The following KANSL1L variants were observed in gnomAD, a reference collection of about 807,000 sequenced individuals.
KANSL1L encodes KAT8 regulatory NSL complex subunit 1 like, also known as KAT8 regulatory NSL complex subunit 1-like protein.
Under a neutral mutation model 108.6 loss-of-function variants are expected in KANSL1L, and 25 were observed. The observed-to-expected ratio is 0.23, with a 90% CI of 0.17 to 0.32. The LOEUF (loss-of-function observed/expected upper bound fraction) is 0.32, where lower values mean the gene tolerates loss of function less well. Ranked by LOEUF, KANSL1L falls within the 10% of genes least tolerant of loss-of-function variation. The pLI is 1.00. For synonymous variants in KANSL1L, 405 were observed against 395.1 expected (o/e 1.03, Z -0.30); for missense variants, 1,137 against 1,125.7 (o/e 1.01, Z -0.14).
In KANSL1L at chr2:210,153,923, T is replaced by C. The variant is rs980008482; in HGVS notation, c.660A>G (p.Val220=). ...SSSAAEKEEE[V]HARLLHCVSK... is the part of the protein sequence containing the mutation. ...TTACACAATGAAGTAAACGAGCATG[T>C]ACTTCCTCCTCTTTTTCAGCAGCTG... Residue 220 remains valine, a synonymous_variant, in exon 2 of 15, where the codon GTA becomes GTG. Coordinates refer to ENST00000281772, the MANE Select transcript of KANSL1L (RefSeq NM_152519.4). 3 of 1,613,452 alleles carry C rather than the reference T, an allele frequency of 1.9e-6. No homozygotes were observed. The highest frequency in any genetic ancestry group is 2.7e-5 in the African/African-American group (2 of 74,924).
At chr2:210,031,224 A>G (rs2094011457) in intron 9 of KANSL1L, 197 bp downstream of exon 9, 5 of 469,734 alleles carry the variant, frequency 1.1e-5, no homozygotes, top group South Asian at 2.7e-5. Context: ...CTTAATTGCC[A>G]TAAAGTGGGT....
chr2:210,165,025 C>T (rs1687851055), intron 1 of KANSL1L, among the ~76,000 whole-genome samples: 1 of 151,322 alleles, frequency 6.6e-6, no homozygotes, highest in African/African-American at 2.4e-5. Context: ...GCCACCATGC[C>T]CAGCTAATTT....
chr2:210,137,484 G>A (rs1008836885), intron 2 of KANSL1L, among the ~76,000 whole-genome samples: 24 of 152,012 alleles, frequency 1.6e-4, no homozygotes, highest in Admixed American at 4.6e-4. Flanking sequence ...TGCCAAATAC[G>A]TCACAAATTT....
rs574284184 is a variant in KANSL1L at position 210,167,609 on chromosome 2, C to T, written c.-30+3540G>A. On this transcript the variant is annotated intron_variant, in intron 1 of 14. Coordinates refer to ENST00000281772, the MANE Select transcript of KANSL1L (RefSeq NM_152519.4). ...TGAATAAACACTGATTAATGACCTA[C>T]TGCTGAATAAAAATTTGTTTAAATA... Among the ~76,000 whole-genome samples the T allele has an allele frequency of 2.6e-5, 4 of 152,078 alleles. No individual in the cohort carries two copies. In the South Asian group the frequency reaches 8.3e-4, roughly 31 times the overall value.
At chr2:210,133,187 G>A (rs2095142451) in intron 2 of KANSL1L, among the ~76,000 whole-genome samples, 1 of 151,988 alleles carries the variant, frequency 6.6e-6, no homozygotes, top group Non-Finnish European at 1.5e-5. Context: ...TATATAAAAT[G>A]ATGTACATGT....
chr2:210,050,781 T>C (rs2094283504), intron 6 of KANSL1L, among the ~76,000 whole-genome samples: 1 of 152,002 alleles, frequency 6.6e-6, no homozygotes, highest in Non-Finnish European at 1.5e-5. Context: ...GCAGGATCAC[T>C]TGAGCCCAGG....
intron 1 of KANSL1L, among the ~76,000 whole-genome samples, chr2:210,170,033 A>C (rs1331331311): frequency 6.6e-6 from 1 of 152,204 alleles, no homozygotes; most frequent in Non-Finnish European, 1.5e-5. Flanking sequence ...ACCCAAAGAA[A>C]TGGCTAGTTA....
intron 1 of KANSL1L, among the ~76,000 whole-genome samples, chr2:210,163,988 T>C (rs958211573): frequency 6.6e-6 from 1 of 151,848 alleles, no homozygotes; most frequent in Non-Finnish European, 1.5e-5. Flanking sequence ...TGTGAAGGAG[T>C]CTCAAGGCAA....
In KANSL1L at chr2:210,146,442, T is replaced by C. The variant is rs138847254; in HGVS notation, c.1088+7053A>G. On this transcript the variant is annotated intron_variant, in intron 2 of 14. Transcript: ENST00000281772. ...GGAAAACAAAGGTGATCGTTTCCGA[T>C]GATAAATACAATTAACACTTGCATA... is the stretch of plus-strand genomic sequence containing the variant. Among the ~76,000 whole-genome samples, 234 of 152,336 alleles carry C rather than the reference T, an allele frequency of 1.5e-3. 1 individual carries two copies. The highest frequency in any genetic ancestry group is 3.5e-3 in the Admixed American group (54 of 15,300).
At chr2:210,165,443 A>G (rs2125685547) in intron 1 of KANSL1L, among the ~76,000 whole-genome samples, 1 of 152,220 alleles carries the variant, frequency 6.6e-6, no homozygotes, top group East Asian at 1.9e-4. Flanking sequence ...TTTTAAAACT[A>G]GAAAGAATCA....
At position 210,118,252 on chromosome 2, in the gene KANSL1L, TGAGGTCAG is replaced by T. The variant is rs1359692900; in HGVS notation, c.1230+10771_1230+10778del. On this transcript the variant is annotated intron_variant, in intron 3 of 14. Coordinates refer to ENST00000281772, the MANE Select transcript of KANSL1L (RefSeq NM_152519.4). ...GGGAGGCCGAGGCGGGTGGATCACT[TGAGGTCAG>T]GAGTTCAAGACCAGCCTGACCAACA... Among the ~76,000 whole-genome samples the T allele has an allele frequency of 2.6e-5, 4 of 150,962 alleles. No homozygotes were observed. In the East Asian group the frequency reaches 7.8e-4, roughly 30 times the overall value.
At chr2:210,057,521 G>A (rs1435456786) in intron 6 of KANSL1L, among the ~76,000 whole-genome samples, 2 of 152,154 alleles carry the variant, frequency 1.3e-5, no homozygotes, top group African/African-American at 4.8e-5. Context: ...GTAACATGGT[G>A]AAACCCTGTC....
In KANSL1L at chr2:210,083,746, A is replaced by G. The variant is rs892157697; in HGVS notation, c.1551-7990T>C. On this transcript the variant is annotated intron_variant, in intron 5 of 14. Coordinates refer to ENST00000281772, the MANE Select transcript of KANSL1L (RefSeq NM_152519.4). ...TGGGAGGCTGAGGCAGGAAAATGGCATGAACCCGGGAGGCAGAGCTTGCAG... is the reference window on the plus strand; with the variant it reads ...TGGGAGGCTGAGGCAGGAAAATGGCGTGAACCCGGGAGGCAGAGCTTGCAG... Among the ~76,000 whole-genome samples, 3 of 149,616 alleles carry G rather than the reference A, an allele frequency of 2.0e-5. No homozygotes were observed. The South Asian group carries it at 6.4e-4, about 32-fold the overall frequency.
chr2:210,023,644 G>A (rs1168903243), intron 14 of KANSL1L, among the ~76,000 whole-genome samples: 1 of 152,212 alleles, frequency 6.6e-6, no homozygotes, highest in African/African-American at 2.4e-5. Flanking sequence ...TATGGATGCA[G>A]TGTTAGAAAG....
At chr2:210,073,778 C>A (rs1332360855) in intron 6 of KANSL1L, among the ~76,000 whole-genome samples, 1 of 131,312 alleles carries the variant, frequency 7.6e-6, no homozygotes, top group African/African-American at 3.0e-5. Flanking sequence ...CACACAAACA[C>A]ACACACACAC....
At chr2:210,143,349 T>C (rs2095243400) in intron 2 of KANSL1L, among the ~76,000 whole-genome samples, 1 of 152,034 alleles carries the variant, frequency 6.6e-6, no homozygotes, top group African/African-American at 2.4e-5. Flanking sequence ...TGGAAGTGAG[T>C]CTCTCACAGG....
intron 1 of KANSL1L, among the ~76,000 whole-genome samples, chr2:210,168,527 C>G (rs1364149380): frequency 1.3e-5 from 2 of 152,010 alleles, no homozygotes; most frequent in Non-Finnish European, 2.9e-5. Context: ...ACAGTAAAAG[C>G]TACAAGTGAA....
chr2:210,068,368 C>A (rs1354714646), intron 6 of KANSL1L, among the ~76,000 whole-genome samples: 1 of 151,862 alleles, frequency 6.6e-6, no homozygotes, highest in Non-Finnish European at 1.5e-5. Context: ...TATATACACA[C>A]CCACACACAC....
intron 10 of KANSL1L, 179 bp from the exon 11 acceptor site, chr2:210,029,148 T>C: frequency 1.9e-6 from 1 of 537,028 alleles, no homozygotes; most frequent in Non-Finnish European, 3.2e-6. Context: ...TTCTATCTTT[T>C]GTAAATCAGA....
Sources: gnomAD v4.1 joint callset for allele counts (sites outside exome capture counted in the v4.1 genomes callset) on GRCh38, gnomAD v4.1.1 for gene constraint, MANE v1.5 for transcripts, NCBI Gene and HGNC (gene_info 2026-07-23, HGNC 2026-07-21) for gene names.